Variants in HDAC9 observed in about 807,000 individuals in gnomAD.
HDAC9 encodes MEF-2 interacting transcription repressor (MITR) protein.
HDAC9 carries 41 observed loss-of-function variants against 139.4 expected under a neutral mutation model. The ratio of observed to expected loss-of-function variants is 0.29; its 90% CI spans 0.23 to 0.38. HDAC9 has a LOEUF of 0.38. Among genes scored for constraint, HDAC9 ranks in the 10% least tolerant of loss-of-function variants. HDAC9 has a pLI of 1.00. For missense variants in HDAC9, 1,147 were observed against 1,297.0 expected, an observed-to-expected ratio of 0.88 and a Z score of 1.78; for synonymous variants, 517 against 476.2, an observed-to-expected ratio of 1.09 and a Z score of -1.12.
intron 2 of HDAC9, among the ~76,000 whole-genome samples, chr7:18,204,250 A>G (rs1481421819): frequency 6.6e-6 from 1 of 151,664 alleles, no homozygotes; most frequent in Non-Finnish European, 1.5e-5. Flanking sequence ...AGTTTACTTA[A>G]TCATTCCTAT....
chr7:18,273,289 G>C (rs551039508), intron 2 of HDAC9, among the ~76,000 whole-genome samples: 1 of 151,724 alleles, frequency 6.6e-6, no homozygotes, highest in South Asian at 2.1e-4. Context: ...GGCTGGTCCC[G>C]AACTCCTGGC....
chr7:18,609,086 G>C (rs1449145996), intron 6 of HDAC9, among the ~76,000 whole-genome samples: 1 of 152,138 alleles, frequency 6.6e-6, no homozygotes, highest in Non-Finnish European at 1.5e-5. Flanking sequence ...ATATTTTGAA[G>C]TAGGTAATAC....
intron 1 of HDAC9, among the ~76,000 whole-genome samples, chr7:18,442,413 C>T (rs1791872141): frequency 6.6e-6 from 1 of 152,118 alleles, no homozygotes; most frequent in African/African-American, 2.4e-5. Flanking sequence ...ATTTCCCCAC[C>T]AGTTGCCGGA....
At chr7:18,974,092 G>A (rs1784412064) in intron 24 of HDAC9, among the ~76,000 whole-genome samples, 1 of 152,114 alleles carries the variant, frequency 6.6e-6, no homozygotes, top group Non-Finnish European at 1.5e-5. Context: ...ATTCCCAGCA[G>A]TTGACGGTCA....
chr7:18,215,698 T>A (rs1320949711), intron 2 of HDAC9, among the ~76,000 whole-genome samples: 1 of 152,100 alleles, frequency 6.6e-6, no homozygotes, highest in Non-Finnish European at 1.5e-5. Context: ...TTTTGAAGGT[T>A]AGTGACTCCA....
chr7:18,685,355 G>A (rs1050301567), intron 12 of HDAC9, among the ~76,000 whole-genome samples: 1 of 151,942 alleles, frequency 6.6e-6, no homozygotes, highest in African/African-American at 2.4e-5. Flanking sequence ...AAGATCTGAA[G>A]AGCCAGTTTT....
At chr7:18,297,490 C>T (rs1258333393) in intron 1 of HDAC9, among the ~76,000 whole-genome samples, 1 of 152,148 alleles carries the variant, frequency 6.6e-6, no homozygotes, top group East Asian at 1.9e-4. Context: ...GCCAATCCAT[C>T]CTACAGGCAT....
At chr7:18,647,700 C>A in intron 9 of HDAC9, 85 bp from the exon 10 acceptor site, 1 of 1,162,178 alleles carries the variant, frequency 8.6e-7, no homozygotes, top group Non-Finnish European at 1.2e-6. Context: ...GAAGCTACAG[C>A]ATAGGAAACT....
chr7:18,590,217 G>A (rs1438325560), intron 3 of HDAC9, 119 bp from the exon 4 acceptor site: 1 of 1,031,762 alleles, frequency 9.7e-7, no homozygotes, highest in African/African-American at 1.6e-5. Flanking sequence ...GAAAAAGTGG[G>A]TACAAATATG....
intron 1 of HDAC9, among the ~76,000 whole-genome samples, chr7:18,459,562 A>G (rs1793652853): frequency 6.6e-6 from 1 of 152,160 alleles, no homozygotes; most frequent in African/African-American, 2.4e-5. Context: ...TGGCAACCAC[A>G]GAAAACAGCC....
At chr7:18,620,286 G>GT in intron 6 of HDAC9, among the ~76,000 whole-genome samples, 1 of 151,890 alleles carries the variant, frequency 6.6e-6, no homozygotes, top group East Asian at 1.9e-4. Flanking sequence ...TAAATAGTAG[G>GT]TTTTAATTTT....
At chr7:18,161,191 T>C (rs1787605771) in intron 1 of HDAC9, among the ~76,000 whole-genome samples, 2 of 152,350 alleles carry the variant, frequency 1.3e-5, no homozygotes, top group South Asian at 4.1e-4. Context: ...ACTACTTAGC[T>C]GTTTGAATAA....
intron 2 of HDAC9, among the ~76,000 whole-genome samples, chr7:18,535,469 T>C (rs1810555870): frequency 6.6e-6 from 1 of 152,002 alleles, no homozygotes; most frequent in African/African-American, 2.4e-5. Context: ...TTTACATCTA[T>C]AATTTTAATG....
chr7:18,730,521 C>T (rs1338933024), intron 13 of HDAC9, among the ~76,000 whole-genome samples: 1 of 152,172 alleles, frequency 6.6e-6, no homozygotes, highest in Non-Finnish European at 1.5e-5. Context: ...TTCTTATCTG[C>T]ATGGGGGCTA....
rs1019075244 is a variant in HDAC9 at position 18,398,896 on chromosome 7, A to G, written c.-41-97366A>G. Among the ~76,000 whole-genome samples the G allele has an allele frequency of 2.6e-5, 4 of 152,106 alleles. No homozygotes were observed. In the South Asian group the frequency reaches 6.2e-4, roughly 24 times the overall value. ...AAAAGGCTCATTTTTTTTTTGAAACATACGAAATCCCTTTCTCCCAGAGGT... is the reference window on the plus strand; with the variant it reads ...AAAAGGCTCATTTTTTTTTTGAAACGTACGAAATCCCTTTCTCCCAGAGGT... On this transcript the variant is annotated intron_variant, in intron 1 of 3. Coordinates refer to the HDAC9 transcript ENST00000413509.
At chr7:18,726,787 AG>A (rs1785586046) in intron 12 of HDAC9, among the ~76,000 whole-genome samples, 3 of 151,394 alleles carry the variant, frequency 2.0e-5, no homozygotes, top group African/African-American at 7.3e-5. Flanking sequence ...TTTTGCACAA[AG>A]CTCGCTGTGT....
At chr7:18,840,672 C>T (rs959995102) in intron 21 of HDAC9, among the ~76,000 whole-genome samples, 3 of 152,032 alleles carry the variant, frequency 2.0e-5, no homozygotes, top group African/African-American at 7.2e-5. Context: ...ATAGTCAAAG[C>T]CATTGAACCA....
At chr7:18,652,451 A>T (rs954563835) in intron 11 of HDAC9, among the ~76,000 whole-genome samples, 2 of 152,154 alleles carry the variant, frequency 1.3e-5, no homozygotes, top group African/African-American at 4.8e-5. Context: ...TTGTTTAGAC[A>T]TACTGATGAT....
intron 6 of HDAC9, among the ~76,000 whole-genome samples, chr7:18,621,678 G>C (rs1048048363): frequency 4.6e-5 from 7 of 152,018 alleles, no homozygotes; most frequent in Non-Finnish European, 8.8e-5. Context: ...AGTTACATTA[G>C]AAATTTTGCT....
Sources: allele counts gnomAD v4.1 joint callset (sites outside exome capture counted in the v4.1 genomes callset), GRCh38; gene constraint gnomAD v4.1.1; transcripts MANE v1.5; gene names NCBI Gene and HGNC (gene_info 2026-07-23, HGNC 2026-07-21).